The following OSBPL8 variants were observed in gnomAD, a reference collection of about 807,000 sequenced individuals.
OSBPL8 encodes oxysterol-binding protein-related protein 8.
In OSBPL8, 59 loss-of-function variants were observed where a neutral mutation model predicts 125.5. The ratio of observed to expected loss-of-function variants is 0.47; its 90% CI spans 0.38 to 0.58. The LOEUF (loss-of-function observed/expected upper bound fraction) is 0.58. OSBPL8 is among the 20% of genes least tolerant of loss of function. OSBPL8 has a pLI of 0.00. For missense variants in OSBPL8, 758 were observed against 1,047.8 expected (o/e 0.72, Z 3.82); for synonymous variants, 330 against 338.9 (o/e 0.97, Z 0.29).
At chr12:76,460,629 C>A (rs1246242006) in intron 2 of OSBPL8, among the ~76,000 whole-genome samples, 1 of 152,084 alleles carries the variant, frequency 6.6e-6, no homozygotes, top group East Asian at 1.9e-4. Context: ...AAGACCCAAC[C>A]CTTGAATGAA....
At chr12:76,530,744 T>C (rs1159544486) in intron 1 of OSBPL8, among the ~76,000 whole-genome samples, 2 of 152,126 alleles carry the variant, frequency 1.3e-5, no homozygotes, top group East Asian at 1.9e-4. Context: ...CACTTAAGAA[T>C]TGTGGACTGG....
At chr12:76,462,603 T>A (rs1874871690) in intron 2 of OSBPL8, among the ~76,000 whole-genome samples, 1 of 151,694 alleles carries the variant, frequency 6.6e-6, no homozygotes, top group Non-Finnish European at 1.5e-5. Context: ...GTAAGACAGA[T>A]GAACATTAAC....
intron 21 of OSBPL8, among the ~76,000 whole-genome samples, chr12:76,359,294 T>C (rs1952106909): frequency 6.6e-6 from 1 of 152,226 alleles, no homozygotes; most frequent in Non-Finnish European, 1.5e-5. Flanking sequence ...TAAAACGGTT[T>C]ATTTACTTTT....
At position 76,390,665 on chromosome 12, in the gene OSBPL8, G is replaced by T; in HGVS notation, c.930-8C>A. The stretch of plus-strand genomic sequence containing the variant: ...ATTTCACTATCATTTAACCTTAAGG[G>T]AAAGAATTTTTAGGAGGAAGAATCA... On this transcript the variant is annotated splice_polypyrimidine_tract_variant and splice_region_variant and intron_variant, in intron 10 of 23. Transcript: ENST00000261183. 1 of 1,554,792 alleles carries T rather than the reference G, an allele frequency of 6.4e-7. No homozygotes were observed. The highest frequency in any genetic ancestry group is 8.9e-7 in the Non-Finnish European group (1 of 1,128,930).
chr12:76,370,195 A>T (rs978606638), intron 19 of OSBPL8, among the ~76,000 whole-genome samples: 1 of 152,180 alleles, frequency 6.6e-6, no homozygotes, highest in African/African-American at 2.4e-5. Flanking sequence ...TTTAAGATTC[A>T]CTGGCTTCAT....
At chr12:76,393,579 C>T (rs953718680) in intron 9 of OSBPL8, among the ~76,000 whole-genome samples, 1 of 151,020 alleles carries the variant, frequency 6.6e-6, no homozygotes, top group Non-Finnish European at 1.5e-5. Flanking sequence ...GGTGTGGTGG[C>T]AGGCGCCTGT....
intron 5 of OSBPL8, among the ~76,000 whole-genome samples, chr12:76,406,019 C>G (rs1954248775): frequency 6.6e-6 from 1 of 152,066 alleles, no homozygotes; most frequent in South Asian, 2.1e-4. Context: ...GTTTCTTCAT[C>G]TGTAAAATGA....
chr12:76,388,733 T>A (rs1438819368), intron 12 of OSBPL8, among the ~76,000 whole-genome samples: 1 of 152,210 alleles, frequency 6.6e-6, no homozygotes, highest in African/African-American at 2.4e-5. Context: ...TCTGTAAGTT[T>A]CCTTTTCTAT....
chr12:76,523,548 G>A (rs1379499166), intron 1 of OSBPL8, among the ~76,000 whole-genome samples: 1 of 152,208 alleles, frequency 6.6e-6, no homozygotes, highest in African/African-American at 2.4e-5. Context: ...TGTGGAGATA[G>A]GGCCTTGGGG....
intron 1 of OSBPL8, among the ~76,000 whole-genome samples, chr12:76,495,997 T>C (rs1203155977): frequency 3.3e-5 from 5 of 151,034 alleles, no homozygotes; most frequent in African/African-American, 4.9e-5. Context: ...TCCTGAAGTA[T>C]CTTATCAACT....
intron 2 of OSBPL8, among the ~76,000 whole-genome samples, chr12:76,485,172 C>T (rs1161170501): frequency 2.0e-5 from 3 of 152,096 alleles, no homozygotes; most frequent in African/African-American, 7.2e-5. Context: ...ATCCACCCGC[C>T]TCAGCCTCCC....
intron 1 of OSBPL8, among the ~76,000 whole-genome samples, chr12:76,506,985 T>C (rs1294863825): frequency 6.7e-6 from 1 of 148,932 alleles, no homozygotes; most frequent in South Asian, 2.1e-4. Context: ...ATATTGCTTC[T>C]GTTAATTTTT....
At chr12:76,372,273 A>T (rs1952649454) in intron 18 of OSBPL8, among the ~76,000 whole-genome samples, 1 of 151,926 alleles carries the variant, frequency 6.6e-6, no homozygotes, top group South Asian at 2.1e-4. Context: ...TAGCACAATC[A>T]TGGCTCACTG....
chr12:76,504,186 C>T (rs1565951168), intron 1 of OSBPL8, among the ~76,000 whole-genome samples: 1 of 151,872 alleles, frequency 6.6e-6, no homozygotes. Flanking sequence ...GGTTTCCAGC[C>T]TGTTGACCTA....
intron 1 of OSBPL8, among the ~76,000 whole-genome samples, chr12:76,499,303 ACT>A (rs1491549224): frequency 1.2e-4 from 7 of 59,966 alleles, no homozygotes; most frequent in African/African-American, 4.5e-4. Flanking sequence ...TACTTAATAA[ACT>A]CTATCTATCT....
chr12:76,404,719 G>C (rs546173562), intron 5 of OSBPL8, among the ~76,000 whole-genome samples: 11 of 152,070 alleles, frequency 7.2e-5, no homozygotes, highest in Non-Finnish European at 1.6e-4. Context: ...TTACTTTATT[G>C]TAAGAATACA....
At chr12:76,367,126 A>G (rs1952446074) in intron 21 of OSBPL8, among the ~76,000 whole-genome samples, 1 of 152,104 alleles carries the variant, frequency 6.6e-6, no homozygotes, top group African/African-American at 2.4e-5. Flanking sequence ...GGTTCTACCC[A>G]TTATTAAAAG....
Position 76,378,521 on chromosome 12 carries a change from C to T in OSBPL8, c.1660G>A (p.Glu554Lys). ...GNSLSAILEG[E>K]ARLTFLNRGE... ...CTATTCAAGAAAGTTAACCGTGCTT[C>T]TCCCTCTAATATTGCAGATAATGAG... The change falls in exon 16 of 24, where the codon GAA becomes AAA. Residue 554 changes from glutamate (E) to lysine (K), a missense_variant. By Grantham distance (56) the Glu-to-Lys change is moderately conservative. Coordinates refer to ENST00000261183, the MANE Select transcript of OSBPL8 (RefSeq NM_020841.5). 1.9e-6 allele frequency: 3 copies of T among 1,605,432 alleles called. No homozygotes were observed. The highest frequency in any genetic ancestry group is 2.6e-6 in the Non-Finnish European group (3 of 1,173,444).
intron 2 of OSBPL8, among the ~76,000 whole-genome samples, chr12:76,472,956 T>C (rs1306301394): frequency 6.6e-6 from 1 of 152,094 alleles, no homozygotes; most frequent in Admixed American, 6.5e-5. Context: ...CCTTTCCTGG[T>C]CTGCTAAGTA....
Sources: gnomAD v4.1 joint callset for allele counts (sites outside exome capture counted in the v4.1 genomes callset) on GRCh38, gnomAD v4.1.1 for gene constraint, MANE v1.5 for transcripts, NCBI Gene and HGNC (gene_info 2026-07-23, HGNC 2026-07-21) for gene names.